Variants in EPN3 observed in about 807,000 individuals in gnomAD.
EPN3 encodes the protein epsin 3.
In EPN3, 56 loss-of-function variants were observed where a neutral mutation model predicts 55.5. That is an observed-to-expected ratio of 1.01 (90% CI 0.81 to 1.26). The LOEUF is 1.26. EPN3 is among the 50% of genes most tolerant of loss of function. The probability of loss-of-function intolerance (pLI) is 0.00; values close to 1 mark genes in which losing one functional copy is unlikely to be tolerated. For missense variants in EPN3, 927 were observed against 853.4 expected (o/e 1.09, Z -1.07); for synonymous variants, 449 against 375.2 (o/e 1.20, Z -2.27).
At position 50,541,037 on chromosome 17, in the gene EPN3, C is replaced by T. The variant is rs764952084; in HGVS notation, c.1224C>T (p.Ala408=). The part of the protein sequence containing the change: ...LPSTGADPWG[A]SLETSDTPGG... ...GCACTGGGGCTGACCCTTGGGGAGC[C>T]TCCCTGGAGACCTCCGACACACCTG... Residue 408 remains alanine (A), a synonymous_variant, in exon 7 of 10, where the codon GCC becomes GCT. Transcript: ENST00000268933. 2.0e-5 allele frequency: 31 copies of T among 1,587,890 alleles called. No homozygotes were observed. The highest frequency in any genetic ancestry group is 2.6e-5 in the Non-Finnish European group (30 of 1,167,116).
chr17:50,533,242 C>T (rs1478435172), intron 1 of EPN3, among the ~76,000 whole-genome samples: 1 of 152,146 alleles, frequency 6.6e-6, no homozygotes, highest in African/African-American at 2.4e-5. Flanking sequence ...TGGCATTCCC[C>T]ACAGACTCCT....
chr17:50,539,198 CT>C lies in EPN3; in HGVS notation c.775del (p.Trp259GlyfsTer35). The C allele has an allele frequency of 6.2e-7, 1 of 1,614,020 alleles. No homozygotes were observed. Among genetic ancestry groups the C allele is most frequent in the Non-Finnish European group, 8.5e-7 (1 of 1,179,990 alleles). On this transcript the variant is annotated frameshift_variant, in exon 5 of 10. Transcript: ENST00000268933. LOFTEE classifies it high-confidence loss of function. ...RQEHEKEVRS[W>X]QGDGSPMANG... ...TGTGCCTTCTGCAGGAGGTGAGGTCCTGGCAGGGTGATGGCTCCCCCATGGC... is the reference window on the plus strand; with the variant it reads ...TGTGCCTTCTGCAGGAGGTGAGGTCCGGCAGGGTGATGGCTCCCCCATGGC...
In EPN3 at chr17:50,540,340, C is replaced by A; in HGVS notation, c.979+6C>A. ...TGACCCATGGGACATCCCAGGTGGG[C>A]ATGCAGGGCTGCAAGAGACTTCCAG... On this transcript the variant is annotated splice_donor_region_variant and intron_variant, in intron 6 of 9. Transcript: ENST00000268933. 6.2e-7 allele frequency: 1 copy of A among 1,607,352 alleles called. No homozygotes were observed. The highest frequency in any genetic ancestry group is 8.5e-7 in the Non-Finnish European group (1 of 1,178,286).
Position 50,541,861 on chromosome 17 carries a change from C to A in EPN3, c.1603C>A (p.Pro535Thr). 6.2e-7 allele frequency: 1 copy of A among 1,609,694 alleles called. No homozygotes were observed. The highest frequency in any genetic ancestry group is 1.6e-4 in the Middle Eastern group (1 of 6,062). ...TTCTGCAGGTCTCAGCGCTCCGTCCCCCACCAACCCGTTCGGCGCGGGCGA... is the reference window on the plus strand; with the variant it reads ...TTCTGCAGGTCTCAGCGCTCCGTCCACCACCAACCCGTTCGGCGCGGGCGA... ...PFLTGLSAPSPTNPFGAGEPG... is the reference protein window; with the variant it reads ...PFLTGLSAPSTTNPFGAGEPG... Residue 535 changes from proline to threonine, a missense_variant, in exon 10 of 10, where the codon CCC (proline) becomes ACC (threonine). Transcript: ENST00000268933.
At chr17:50,537,568 C>G (rs1248482197) in intron 2 of EPN3, 1 of 201,718 alleles carries the variant, frequency 5.0e-6, no homozygotes, top group African/African-American at 2.3e-5. Context: ...TGGCATTCCC[C>G]TTCATCCCCC....
chr17:50,535,857 T>C (rs1461197406), intron 1 of EPN3, among the ~76,000 whole-genome samples: 1 of 152,170 alleles, frequency 6.6e-6, no homozygotes, highest in Non-Finnish European at 1.5e-5. Flanking sequence ...TTAAGCTAGA[T>C]CTCAGCAGAA....
chr17:50,542,427 A>T lies in EPN3; in HGVS notation c.*270A>T, dbSNP rs2034863477. The T allele has an allele frequency of 4.9e-6, 2 of 406,402 alleles. No homozygotes were observed. Among genetic ancestry groups the T allele is most frequent in the African/African-American group, 2.1e-5 (1 of 47,198 alleles). The allele number at this position is 406,402 out of a possible 1,614,324, so 25.2% of individuals were successfully genotyped here. A position where few individuals can be genotyped will look rare whatever the true frequency, so the allele number is the denominator to read the frequency against. ...CGGCCGGGTCTCGACCACAGCGTGGATCACCGGCTGTTTAGGAAACTGCAG... is the reference window on the plus strand; with the variant it reads ...CGGCCGGGTCTCGACCACAGCGTGGTTCACCGGCTGTTTAGGAAACTGCAG... On this transcript the variant is annotated 3_prime_UTR_variant, in exon 10 of 10. Transcript: ENST00000268933.
In EPN3 at chr17:50,538,077, A is replaced by T; in HGVS notation, c.563-2A>T. 6.2e-7 allele frequency: 1 copy of T among 1,612,382 alleles called. No homozygotes were observed. The highest frequency in any genetic ancestry group is 8.5e-7 in the Non-Finnish European group (1 of 1,178,572). On this transcript the variant is annotated splice_acceptor_variant, in intron 2 of 9. Coordinates refer to ENST00000268933, the MANE Select transcript of EPN3 (RefSeq NM_017957.3). LOFTEE classifies it high-confidence loss of function. The stretch of plus-strand genomic sequence containing the variant: ...GTCACAGAGACATGATGGTCATTGC[A>T]GCCTCCTCTTCGTCACCCCGCTATA...
At chr17:50,538,817 C>T in intron 3 of EPN3, 67 bp from the exon 4 acceptor site, 3 of 1,249,510 alleles carry the variant, frequency 2.4e-6, no homozygotes, top group Non-Finnish European at 3.3e-6. Flanking sequence ...CCCAGGCAGG[C>T]CTATACTGCC....
In EPN3 at chr17:50,541,578, C is replaced by T. The variant is rs1428819795; in HGVS notation, c.1469C>T (p.Ala490Val). ...GEALTQPSKE[A>V]RACRTPESFL... ...GCACTAACCCAGCCAAGCAAAGAGG[C>T]CCGAGCTTGCCGGACTCCCGAGTCC... The change falls in exon 9 of 10, where the codon GCC (alanine) becomes GTC (valine). Residue 490 changes from alanine (A) to valine (V), a missense_variant. Coordinates refer to ENST00000268933, the MANE Select transcript of EPN3 (RefSeq NM_017957.3). 6 of 1,614,176 alleles carry T rather than the reference C, an allele frequency of 3.7e-6. No individual in the cohort carries two copies. The South Asian group carries it at 5.5e-5, about 15-fold the overall frequency.
At chr17:50,536,245 A>G in intron 1 of EPN3, 176 bp from the exon 2 acceptor site, 2 of 401,964 alleles carry the variant, frequency 5.0e-6, no homozygotes, top group Non-Finnish European at 9.0e-6. Flanking sequence ...AGATAGATAG[A>G]TGAGCATGCA....
intron 1 of EPN3, among the ~76,000 whole-genome samples, chr17:50,535,352 A>T (rs1461241576): frequency 6.6e-6 from 1 of 152,246 alleles, no homozygotes; most frequent in African/African-American, 2.4e-5. Flanking sequence ...AGGCTCTGCC[A>T]CTTACGTGCC....
At position 50,536,616 on chromosome 17, in the gene EPN3, AG is replaced by A; in HGVS notation, c.61del (p.Glu21LysfsTer26). ...KNIVHNYSEAEIKVREATSND... is the reference protein window; with the variant it reads ...KNIVHNYSEAXIKVREATSND... Reference sequence around the variant, plus strand: ...ACATCGTGCACAACTACTCCGAGGCAGAAATCAAGGTGCGCGAGGCCACCAG... The same window carrying A: ...ACATCGTGCACAACTACTCCGAGGCAAAATCAAGGTGCGCGAGGCCACCAG... On this transcript the variant is annotated frameshift_variant, in exon 2 of 10. Coordinates refer to ENST00000268933, the MANE Select transcript of EPN3 (RefSeq NM_017957.3). LOFTEE classifies it high-confidence loss of function. 1 of 1,614,112 alleles carries A rather than the reference AG, an allele frequency of 6.2e-7. No homozygotes were observed. Among genetic ancestry groups the A allele is most frequent in the Non-Finnish European group, 8.5e-7 (1 of 1,180,024 alleles).
chr17:50,539,417 G>A (rs2034814226), intron 5 of EPN3, 102 bp downstream of exon 5: 1 of 1,523,766 alleles, frequency 6.6e-7, no homozygotes, highest in African/African-American at 1.4e-5. Flanking sequence ...AGTAAGCACT[G>A]ATGTGTTTAT....
At position 50,539,208 on chromosome 17, in the gene EPN3, GATGGCT is replaced by G; in HGVS notation, c.785_790del (p.Asp262_Ser264delinsAla). ...GCAGGAGGTGAGGTCCTGGCAGGGT[GATGGCT>G]CCCCCATGGCCAATGGTGCAGGGGC... On this transcript the variant is annotated inframe_deletion, in exon 5 of 10. Coordinates refer to ENST00000268933, the MANE Select transcript of EPN3 (RefSeq NM_017957.3). The G allele has an allele frequency of 6.2e-7, 1 of 1,614,114 alleles. No individual in the cohort carries two copies. The highest frequency in any genetic ancestry group is 1.1e-5 in the South Asian group (1 of 91,076).
At position 50,542,177 on chromosome 17, in the gene EPN3, C is replaced by A; in HGVS notation, c.*20C>A. The A allele has an allele frequency of 1.4e-6, 2 of 1,461,484 alleles. No individual in the cohort carries two copies. The highest frequency in any genetic ancestry group is 1.8e-6 in the Non-Finnish European group (2 of 1,116,706). 90.5% of individuals were successfully genotyped at this position (1,461,484 alleles called of 1,614,324 possible). A position where few individuals can be genotyped will look rare whatever the true frequency, so the allele number is the denominator to read the frequency against. ...CTCTGAGCCCCGCCCCGTCCCATAC[C>A]GGCCTGCGCCTGCGCCGGACGCTCC... is the stretch of plus-strand genomic sequence containing the variant. On this transcript the variant is annotated 3_prime_UTR_variant, in exon 10 of 10. Transcript: ENST00000268933.
Position 50,541,693 on chromosome 17 carries a change from A to G in EPN3, c.1584A>G (p.Thr528=), listed in dbSNP as rs550762930. The G allele has an allele frequency of 3.0e-5, 48 of 1,613,928 alleles. No homozygotes were observed. The South Asian group carries it at 3.3e-4, about 11-fold the overall frequency. ...CAAAGACCCGGAACCCCTTCCTGAC[A>G]GGTAAGATATGCCCTTGTCCCTCAA... ...QVAKTRNPFL[T]GLSAPSPTNP... is the part of the protein sequence containing the mutation. Residue 528 remains threonine (T), a splice_region_variant and synonymous_variant, in exon 9 of 10, where the codon ACA becomes ACG. Transcript: ENST00000268933.
In EPN3 at chr17:50,542,204, C is replaced by T; in HGVS notation, c.*47C>T. The stretch of plus-strand genomic sequence containing the variant: ...GCCTGCGCCTGCGCCGGACGCTCCG[C>T]GGCCCCGCCTCCGGACCCGGGGCTG... On this transcript the variant is annotated 3_prime_UTR_variant, in exon 10 of 10. Coordinates refer to ENST00000268933, the MANE Select transcript of EPN3 (RefSeq NM_017957.3). The T allele has an allele frequency of 7.1e-7, 1 of 1,416,684 alleles. No individual in the cohort carries two copies. The highest frequency in any genetic ancestry group is 9.1e-7 in the Non-Finnish European group (1 of 1,095,802). The allele number at this position is 1,416,684 out of a possible 1,614,324, so 87.8% of individuals were successfully genotyped here. A position where few individuals can be genotyped will look rare whatever the true frequency, so the allele number is the denominator to read the frequency against.
intron 1 of EPN3, chr17:50,535,869 C>CA (rs1240353148): frequency 1.3e-5 from 2 of 152,350 alleles, no homozygotes; most frequent in Non-Finnish European, 2.9e-5. Context: ...TCAGCAGAAA[C>CA]AGAGGCAGTG....
Sources: gnomAD v4.1 joint callset for allele counts (sites outside exome capture counted in the v4.1 genomes callset) on GRCh38, gnomAD v4.1.1 for gene constraint, MANE v1.5 for transcripts, NCBI Gene and HGNC (gene_info 2026-07-23, HGNC 2026-07-21) for gene names.